Variants in ARSB observed in about 807,000 individuals in gnomAD.
The protein encoded by ARSB is N-acetylgalactosamine-4-sulfatase.
ARSB carries 41 observed loss-of-function variants against 50.9 expected under a neutral mutation model. That is an observed-to-expected ratio of 0.81 (90% CI 0.63 to 1.04). ARSB has a LOEUF of 1.04. Ranked by LOEUF, ARSB falls within the 50% of genes least tolerant of loss-of-function variation. The pLI is 0.00. For synonymous variants in ARSB, 269 were observed against 284.8 expected, an observed-to-expected ratio of 0.94 and a Z score of 0.56; for missense variants, 672 against 693.3, an observed-to-expected ratio of 0.97 and a Z score of 0.35.
At chr5:78,866,649 T>A (rs1746757377) in intron 5 of ARSB, among the ~76,000 whole-genome samples, 1 of 152,154 alleles carries the variant, frequency 6.6e-6, no homozygotes, top group Admixed American at 6.5e-5. Context: ...CGAGAGTGGC[T>A]GCCTTGGGCA....
chr5:78,939,181 G>T (rs751224749), intron 4 of ARSB, among the ~76,000 whole-genome samples: 68 of 152,148 alleles, frequency 4.5e-4, no homozygotes, highest in South Asian at 2.1e-4. Context: ...GCTTTCATTA[G>T]CACTGACAAC....
intron 6 of ARSB, among the ~76,000 whole-genome samples, chr5:78,798,608 G>A (rs970443013): frequency 6.6e-6 from 1 of 152,146 alleles, no homozygotes; most frequent in Non-Finnish European, 1.5e-5. Flanking sequence ...TTCATATTCC[G>A]GTGTGCAGGA....
At chr5:78,984,311 G>A (rs1753044778) in intron 1 of ARSB, among the ~76,000 whole-genome samples, 2 of 152,174 alleles carry the variant, frequency 1.3e-5, no homozygotes, top group African/African-American at 2.4e-5. Flanking sequence ...GTTAACTGTG[G>A]AGCCGTTCCT....
chr5:78,968,323 TATTATTATTATTATTATTA>T (rs1210767346), intron 2 of ARSB, among the ~76,000 whole-genome samples: 1 of 66,726 alleles, frequency 1.5e-5, no homozygotes, highest in African/African-American at 1.3e-4. Flanking sequence ...ATTTTATTAT[TATTATTATTATTATTATTA>T]TTATTATTAT....
chr5:78,955,909 T>C (rs574230422), intron 3 of ARSB, among the ~76,000 whole-genome samples: 30 of 152,348 alleles, frequency 2.0e-4, no homozygotes, highest in African/African-American at 6.5e-4. Flanking sequence ...TATGGAGAAA[T>C]TGGAACTGTC....
intron 6 of ARSB, among the ~76,000 whole-genome samples, chr5:78,832,002 A>G (rs1178700824): frequency 6.6e-6 from 1 of 152,166 alleles, no homozygotes; most frequent in East Asian, 1.9e-4. Flanking sequence ...CATTCTTTCA[A>G]TATGTATTAA....
intron 5 of ARSB, among the ~76,000 whole-genome samples, chr5:78,869,278 C>T (rs1746985388): frequency 4.2e-5 from 5 of 119,798 alleles, no homozygotes; most frequent in South Asian, 2.8e-4. Flanking sequence ...AACAAGGATA[C>T]CCAGGAATTG....
At chr5:78,923,125 G>T (rs554355228) in intron 4 of ARSB, among the ~76,000 whole-genome samples, 1 of 152,336 alleles carries the variant, frequency 6.6e-6, no homozygotes, top group East Asian at 1.9e-4. Flanking sequence ...GCCAAACAGG[G>T]AGGGAGGGAA....
chr5:78,845,736 G>T (rs1200946151), intron 5 of ARSB, among the ~76,000 whole-genome samples: 2 of 151,886 alleles, frequency 1.3e-5, no homozygotes, highest in African/African-American at 4.8e-5. Context: ...TATTTGGGGG[G>T]TTTTTCTGTT....
intron 6 of ARSB, among the ~76,000 whole-genome samples, chr5:78,792,401 G>A (rs569469245): frequency 1.1e-4 from 16 of 150,900 alleles, no homozygotes; most frequent in African/African-American, 3.9e-4. Flanking sequence ...AAAAAGTTAC[G>A]CATTCAAGGC....
chr5:78,829,141 A>C (rs1390342580), intron 6 of ARSB, among the ~76,000 whole-genome samples: 1 of 152,244 alleles, frequency 6.6e-6, no homozygotes, highest in Non-Finnish European at 1.5e-5. Context: ...GCCAATCGGT[A>C]CCCTGGATTT....
chr5:78,853,471 G>T (rs967666805), intron 5 of ARSB, among the ~76,000 whole-genome samples: 3 of 152,226 alleles, frequency 2.0e-5, no homozygotes, highest in Non-Finnish European at 4.4e-5. Flanking sequence ...CCCCTACTGG[G>T]GGGTGCCTCC....
intron 5 of ARSB, among the ~76,000 whole-genome samples, chr5:78,876,001 T>A (rs796749732): frequency 6.6e-6 from 1 of 152,162 alleles, no homozygotes; most frequent in Non-Finnish European, 1.5e-5. Flanking sequence ...GTAATAGAAA[T>A]ATATTCTTTC....
At chr5:78,790,709 T>C (rs1749212622) in intron 6 of ARSB, among the ~76,000 whole-genome samples, 1 of 152,194 alleles carries the variant, frequency 6.6e-6, no homozygotes, top group Non-Finnish European at 1.5e-5. Flanking sequence ...ATGGTAGCTA[T>C]TATCATCAGT....
At chr5:78,904,153 C>T (rs1312167041) in intron 4 of ARSB, among the ~76,000 whole-genome samples, 1 of 152,198 alleles carries the variant, frequency 6.6e-6, no homozygotes, top group Non-Finnish European at 1.5e-5. Flanking sequence ...GTGATTCATC[C>T]ATGCTAATGT....
chr5:78,945,691 T>C (rs1580107524), intron 4 of ARSB, among the ~76,000 whole-genome samples: 1 of 152,312 alleles, frequency 6.6e-6, no homozygotes, highest in Middle Eastern at 3.4e-3. Context: ...GGTCATGCTC[T>C]CTAGCCTCAC....
At chr5:78,886,778 AC>A (rs1490526914) in intron 4 of ARSB, among the ~76,000 whole-genome samples, 1 of 151,674 alleles carries the variant, frequency 6.6e-6, no homozygotes, top group African/African-American at 2.4e-5. Context: ...TAAAAAAAAA[AC>A]CCACTATTAC....
At chr5:78,795,787 C>T (rs1743158386) in intron 6 of ARSB, among the ~76,000 whole-genome samples, 2 of 152,270 alleles carry the variant, frequency 1.3e-5, no homozygotes. Context: ...ATATGCACTC[C>T]ACATGACGTA....
chr5:78,838,177 G>A (rs1438833730), intron 6 of ARSB, among the ~76,000 whole-genome samples: 4 of 152,150 alleles, frequency 2.6e-5, no homozygotes, highest in East Asian at 1.9e-4. Flanking sequence ...GATGCTATAC[G>A]GAGACACATG....
Sources: gnomAD v4.1 joint callset for allele counts (sites outside exome capture counted in the v4.1 genomes callset) on GRCh38, gnomAD v4.1.1 for gene constraint, MANE v1.5 for transcripts, NCBI Gene and HGNC (gene_info 2026-07-23, HGNC 2026-07-21) for gene names.